TENM1: variants seen among roughly 807,000 people sequenced by gnomAD.
TENM1 encodes the protein teneurin-1.
TENM1 carries 35 observed loss-of-function variants against 174.8 expected under a neutral mutation model. The observed-to-expected ratio is 0.20, with a 90% CI of 0.15 to 0.27. The LOEUF (loss-of-function observed/expected upper bound fraction) is 0.27, where lower values mean the gene tolerates loss of function less well. TENM1 is among the 10% of genes least tolerant of loss of function. The pLI, the probability that TENM1 is intolerant of heterozygous loss-of-function variation, is 1.00. For missense variants in TENM1, 1,633 were observed against 2,130.1 expected, an observed-to-expected ratio of 0.77 and a Z score of 4.59; for synonymous variants, 781 against 798.7, an observed-to-expected ratio of 0.98 and a Z score of 0.37.
At chrX:124,732,666 T>C (rs1412897306) in intron 4 of TENM1, among the ~76,000 whole-genome samples, 1 of 111,931 alleles carries the variant, frequency 8.9e-6, no homozygotes, top group East Asian at 2.8e-4. Context: ...CAATGGGACA[T>C]GCAGCTGAAG....
At chrX:124,423,435 A>G (rs2060677257) in intron 23 of TENM1, among the ~76,000 whole-genome samples, 1 of 111,549 alleles carries the variant, frequency 9.0e-6, no homozygotes, top group African/African-American at 3.3e-5. Context: ...AAAAATGACT[A>G]CGACACGGCC....
intron 23 of TENM1, among the ~76,000 whole-genome samples, chrX:124,435,993 C>T (rs1364561130): frequency 8.9e-6 from 1 of 111,846 alleles, no homozygotes; most frequent in Admixed American, 9.5e-5. Context: ...AATAGCAAAT[C>T]TGGCTGAGGT....
In TENM1 at chrX:124,505,622, T is replaced by G. The variant is rs1040745007; in HGVS notation, c.3302-1919A>C. ...GGCAAGTTATTCTCCATTTCTGGAGTTGGGCTTTTCACTGGTAGCGTAGTG... is the reference window on the plus strand; with the variant it reads ...GGCAAGTTATTCTCCATTTCTGGAGGTGGGCTTTTCACTGGTAGCGTAGTG... On this transcript the variant is annotated intron_variant, in intron 18 of 31. Coordinates refer to ENST00000422452, the Ensembl canonical transcript of TENM1. 6.3e-5 allele frequency among the ~76,000 whole-genome samples: 7 copies of G among 111,567 alleles called. No individual in the cohort carries two copies. The South Asian group carries it at 1.5e-3, about 24-fold the overall frequency.
At chrX:124,703,439 T>A (rs2052822488) in intron 5 of TENM1, among the ~76,000 whole-genome samples, 1 of 111,913 alleles carries the variant, frequency 8.9e-6, no homozygotes, top group Admixed American at 9.5e-5. Flanking sequence ...GTGGCCATAA[T>A]AATAAATTTA....
the TENM1 span, among the ~76,000 whole-genome samples, chrX:125,019,346 TAATTA>T: frequency 6.2e-4 from 69 of 111,507 alleles, no homozygotes; most frequent in Non-Finnish European, 1.0e-3. Flanking sequence ...AATATAAATT[TAATTA>T]AATATTTAAA....
At chrX:124,559,470 C>T (rs895624011) in intron 14 of TENM1, among the ~76,000 whole-genome samples, 11 of 110,700 alleles carry the variant, frequency 9.9e-5, no homozygotes, top group Non-Finnish European at 1.5e-4. Flanking sequence ...GAGTTTGAGA[C>T]GGGCCTGGGC....
intron 3 of TENM1, among the ~76,000 whole-genome samples, chrX:124,789,419 A>G (rs2055124577): frequency 9.0e-6 from 1 of 111,692 alleles, no homozygotes; most frequent in African/African-American, 3.3e-5. Context: ...ATTTCTCCTC[A>G]GAAAATGGGA....
intron 3 of TENM1, among the ~76,000 whole-genome samples, chrX:124,831,390 T>G (rs1423352526): frequency 8.9e-6 from 1 of 112,020 alleles, no homozygotes; most frequent in Non-Finnish European, 1.9e-5. Flanking sequence ...CAATGACTCT[T>G]GCAAATTTGG....
intron 11 of TENM1, among the ~76,000 whole-genome samples, chrX:124,590,802 C>A (rs899233170): frequency 1.8e-5 from 2 of 111,765 alleles, no homozygotes; most frequent in African/African-American, 6.5e-5. Context: ...TTTTCTGTCT[C>A]AATTATCTGT....
chrX:125,103,150 G>A, the TENM1 span, among the ~76,000 whole-genome samples: 1 of 111,926 alleles, frequency 8.9e-6, no homozygotes, highest in Non-Finnish European at 1.9e-5. Context: ...AAGGCAAAAG[G>A]TGGGTGTATG....
intron 17 of TENM1, among the ~76,000 whole-genome samples, chrX:124,522,751 C>T (rs1307252149): frequency 9.3e-6 from 1 of 107,434 alleles, no homozygotes; most frequent in East Asian, 2.9e-4. Context: ...GGCAATGGTG[C>T]AGTCTCAGCT....
At chrX:125,086,431 T>C in the TENM1 span, among the ~76,000 whole-genome samples, 1 of 111,099 alleles carries the variant, frequency 9.0e-6, no homozygotes, top group South Asian at 3.7e-4. Flanking sequence ...ATATTTTTAA[T>C]ATTCAGACAT....
At chrX:124,692,069 T>C (rs925145222) in intron 5 of TENM1, among the ~76,000 whole-genome samples, 1 of 112,312 alleles carries the variant, frequency 8.9e-6, no homozygotes, top group Non-Finnish European at 1.9e-5. Context: ...TTCTAACTTA[T>C]GAAACTCACT....
chrX:124,463,290 C>T (rs2061199837), intron 22 of TENM1, among the ~76,000 whole-genome samples: 1 of 111,727 alleles, frequency 9.0e-6, no homozygotes, highest in African/African-American at 3.3e-5. Flanking sequence ...TATATACTAC[C>T]TACTACACAA....
At chrX:124,942,836 T>C (rs181737939) in intron 1 of TENM1, among the ~76,000 whole-genome samples, 112 of 111,470 alleles carry the variant, frequency 1.0e-3, no homozygotes, top group African/African-American at 3.4e-3. Context: ...TTATTTCAAA[T>C]AGATGTCTTG....
intron 11 of TENM1, among the ~76,000 whole-genome samples, chrX:124,568,941 C>T (rs945935161): frequency 8.9e-6 from 1 of 111,860 alleles, no homozygotes; most frequent in Non-Finnish European, 1.9e-5. Context: ...CATTGGCATA[C>T]ACCTGTAATC....
At chrX:124,433,101 G>A (rs1342314398) in intron 23 of TENM1, among the ~76,000 whole-genome samples, 1 of 111,845 alleles carries the variant, frequency 8.9e-6, no homozygotes, top group Non-Finnish European at 1.9e-5. Context: ...CATCTAGCCT[G>A]GCTGCTCTCT....
intron 22 of TENM1, among the ~76,000 whole-genome samples, chrX:124,457,765 G>T (rs952552727): frequency 6.3e-5 from 7 of 111,604 alleles, no homozygotes; most frequent in African/African-American, 2.3e-4. Flanking sequence ...TGAGTTTTTG[G>T]CTGTGTAGAA....
the TENM1 span, among the ~76,000 whole-genome samples, chrX:125,111,853 A>G: frequency 9.0e-6 from 1 of 111,552 alleles, no homozygotes; most frequent in Non-Finnish European, 1.9e-5. Flanking sequence ...TTTTTCAAAC[A>G]TGGAGTGGAC....
Sources: gnomAD v4.1 joint callset for allele counts (sites outside exome capture counted in the v4.1 genomes callset) on GRCh38, gnomAD v4.1.1 for gene constraint, MANE v1.5 for transcripts, NCBI Gene and HGNC (gene_info 2026-07-23, HGNC 2026-07-21) for gene names.